The following CLN6 variants were observed in gnomAD, a reference collection of about 807,000 sequenced individuals.
CLN6 encodes the protein CLN6 transmembrane ER protein, also known as ceroid-lipofuscinosis neuronal protein 6.
A neutral mutation model predicts 33.3 loss-of-function variants in CLN6; 22 were observed. The observed-to-expected ratio is 0.66, with a 90% CI of 0.47 to 0.94. CLN6 has a LOEUF of 0.94. Ranked by LOEUF, CLN6 falls within the 40% of genes least tolerant of loss-of-function variation. The pLI, the probability that CLN6 is intolerant of heterozygous loss-of-function variation, is 0.00. For synonymous variants in CLN6, 201 were observed against 174.6 expected (o/e 1.15, Z -1.19); for missense variants, 387 against 417.1 (o/e 0.93, Z 0.63).
Position 68,211,675 on chromosome 15 carries a change from C to G in CLN6, c.486G>C (p.Leu162=). 1 of 1,613,430 alleles carries G rather than the reference C, an allele frequency of 6.2e-7. No individual in the cohort carries two copies. Among genetic ancestry groups the G allele is most frequent in the Non-Finnish European group, 8.5e-7 (1 of 1,179,980 alleles). Residue 162 remains leucine (L), a splice_region_variant and synonymous_variant, in exon 4 of 7, where the codon CTG becomes CTC. Coordinates refer to ENST00000249806, the MANE Select transcript of CLN6 (RefSeq NM_017882.3). The surrounding 1 kb of genome is among the most constrained non-coding windows in gnomAD (Gnocchi z 5.9). ...PIIKNLKPET[L]IDSFELLYYY... is the part of the protein sequence containing the mutation. ...GGCAGGGAGCAGGAGGTGGCCTCAC[C>G]AGCGTCTCCGGCTTGAGATTCTTGA...
chr15:68,223,573 G>T (rs1437589436), intron 1 of CLN6, among the ~76,000 whole-genome samples: 1 of 152,150 alleles, frequency 6.6e-6, no homozygotes, highest in African/African-American at 2.4e-5. Context: ...AGGATGTTCG[G>T]TACGAGGAAT....
intron 1 of CLN6, among the ~76,000 whole-genome samples, chr15:68,223,744 G>GAAAA (rs570594236): frequency 7.1e-6 from 1 of 140,792 alleles, no homozygotes. Context: ...AGTAGGACAG[G>GAAAA]AAAAAAAAAA....
chr15:68,237,388 G>A (rs1209651739), intron 1 of CLN6, among the ~76,000 whole-genome samples: 3 of 152,030 alleles, frequency 2.0e-5, no homozygotes, highest in Admixed American at 6.6e-5. Flanking sequence ...TGAGGAAGCT[G>A]AAGCTGGAGG....
intron 1 of CLN6, among the ~76,000 whole-genome samples, chr15:68,221,469 T>C (rs970263280): frequency 3.3e-5 from 5 of 151,840 alleles, no homozygotes; most frequent in Non-Finnish European, 4.4e-5. Context: ...TGACCTCGAG[T>C]GATCTGCCCG....
At chr15:68,251,959 G>A (rs1308813388) in intron 1 of CLN6, among the ~76,000 whole-genome samples, 2 of 145,234 alleles carry the variant, frequency 1.4e-5, no homozygotes, top group African/African-American at 2.5e-5. Flanking sequence ...GTGTGTGTAT[G>A]TGTGAATCTT....
At chr15:68,231,100 T>A (rs1285905065), upstream of CLN6, among the ~76,000 whole-genome samples, 1 of 152,204 alleles carries the variant, frequency 6.6e-6, no homozygotes, top group Non-Finnish European at 1.5e-5. Context: ...TTCTTTCCTG[T>A]CTTTCTTCTT....
intron 1 of CLN6, among the ~76,000 whole-genome samples, chr15:68,243,286 T>C (rs1401359000): frequency 6.6e-6 from 1 of 152,348 alleles, no homozygotes; most frequent in South Asian, 2.1e-4. Flanking sequence ...GTTAAAACAC[T>C]GAAATCATAC....
Position 68,220,327 on chromosome 15 carries a change from G to A in CLN6, c.84-1677C>T, listed in dbSNP as rs1340138361. Among the ~76,000 whole-genome samples, 1 of 152,238 alleles carries A rather than the reference G, an allele frequency of 6.6e-6. No homozygotes were observed. Among genetic ancestry groups the A allele is most frequent in the Non-Finnish European group, 1.5e-5 (1 of 68,040 alleles). Reference sequence around the variant, plus strand: ...TTACAGATGAGGATACTGAGGCTTAGAGGGATTAGGTGCTTAGCCAAAGCC... The same window carrying A: ...TTACAGATGAGGATACTGAGGCTTAAAGGGATTAGGTGCTTAGCCAAAGCC... On this transcript the variant is annotated intron_variant, in intron 1 of 6. Transcript: ENST00000249806. This position sits in a 1 kb window ranked among gnomAD's most constrained non-coding sequence, Gnocchi z 4.2.
rs1005419385 is a variant in CLN6, at chr15:68,210,761, A to AG, written c.542+501dup. Among the ~76,000 whole-genome samples, 2 of 152,100 alleles carry AG rather than the reference A, an allele frequency of 1.3e-5. No individual in the cohort carries two copies. The highest frequency in any genetic ancestry group is 4.8e-5 in the African/African-American group (2 of 41,440). The stretch of plus-strand genomic sequence containing the variant: ...AGGTGCCCCTCTGGGAGTTCTGAAG[A>AG]GGGGGGAGCGCAAACAGCACGCCCC... On this transcript the variant is annotated intron_variant, in intron 5 of 6. Coordinates refer to ENST00000249806, the MANE Select transcript of CLN6 (RefSeq NM_017882.3). This position sits in a 1 kb window ranked among gnomAD's most constrained non-coding sequence, Gnocchi z 5.6.
intron 1 of CLN6, among the ~76,000 whole-genome samples, chr15:68,240,050 G>A (rs1025426842): frequency 7.9e-5 from 12 of 152,084 alleles, no homozygotes; most frequent in African/African-American, 2.7e-4. Context: ...ATAAAAAGTT[G>A]AACAGAATCA....
intron 2 of CLN6, chr15:68,214,880 G>A (rs953296809): frequency 2.7e-4 from 60 of 220,782 alleles, no homozygotes; most frequent in African/African-American, 1.2e-3. Flanking sequence ...TCAGTCTCCT[G>A]AGTGCTAGGC....
Position 68,227,438 on chromosome 15 carries a change from CAG to C in CLN6, c.83+2062_83+2063del, listed in dbSNP as rs1215370166. ...GGTAGTGAGCAAAGCACGGATGCAG[CAG>C]AGGAAATCCAAGCATCCTAGGAACT... On this transcript the variant is annotated intron_variant, in intron 1 of 6. Transcript: ENST00000249806. The surrounding 1 kb of genome is among the most constrained non-coding windows in gnomAD (Gnocchi z 4.1). Among the ~76,000 whole-genome samples the C allele has an allele frequency of 1.3e-5, 2 of 152,246 alleles. No individual in the cohort carries two copies. Among genetic ancestry groups the C allele is most frequent in the Non-Finnish European group, 2.9e-5 (2 of 68,054 alleles).
At chr15:68,243,773 CAAAA>C (rs1023549607) in intron 1 of CLN6, among the ~76,000 whole-genome samples, 1 of 137,620 alleles carries the variant, frequency 7.3e-6, no homozygotes, top group Non-Finnish European at 1.6e-5. Context: ...AAAAAAAACA[CAAAA>C]AAAAGGATGG....
chr15:68,208,290 GAGGAAGAGGCCGTTGCTGTCC>G lies in CLN6; in HGVS notation c.765_785del (p.Asp256_Leu262del). The G allele has an allele frequency of 6.2e-7, 1 of 1,614,196 alleles. No individual in the cohort carries two copies. Among genetic ancestry groups the G allele is most frequent in the Non-Finnish European group, 8.5e-7 (1 of 1,180,052 alleles). On this transcript the variant is annotated inframe_deletion, in exon 7 of 7. Transcript: ENST00000249806. The surrounding 1 kb of genome is among the most constrained non-coding windows in gnomAD (Gnocchi z 5.8). ...AGAGGGTCAGTGCGAAGGAGGAGAA[GAGGAAGAGGCCGTTGCTGTCC>G]AGGAAGAGGCGCTTGCGCTTCTGGT...
At chr15:68,238,581 GT>G (rs1892250250) in intron 1 of CLN6, among the ~76,000 whole-genome samples, 1 of 152,146 alleles carries the variant, frequency 6.6e-6, no homozygotes, top group Non-Finnish European at 1.5e-5. Flanking sequence ...TCTTCAAAGT[GT>G]TAAGAGAAAG....
At chr15:68,254,555 A>G in intron 1 of CLN6, 1 of 492,392 alleles carries the variant, frequency 2.0e-6, no homozygotes, top group Non-Finnish European at 3.7e-6. Context: ...CAGTGTGAAA[A>G]AGAGGTGAGA....
intron 1 of CLN6, among the ~76,000 whole-genome samples, chr15:68,249,992 C>T (rs539188998): frequency 5.9e-5 from 9 of 152,144 alleles, no homozygotes; most frequent in African/African-American, 1.9e-4. Context: ...AGGCCGATCT[C>T]GAACTCCTGA....
chr15:68,250,973 A>T (rs1294304181), intron 1 of CLN6, among the ~76,000 whole-genome samples: 1 of 152,194 alleles, frequency 6.6e-6, no homozygotes, highest in Non-Finnish European at 1.5e-5. Context: ...CTAATCAAGG[A>T]CTGTATGAGA....
At position 68,219,293 on chromosome 15, in the gene CLN6, C is replaced by T. The variant is rs1246551378; in HGVS notation, c.84-643G>A. Among the ~76,000 whole-genome samples the T allele has an allele frequency of 6.6e-6, 1 of 152,114 alleles. No individual in the cohort carries two copies. Among genetic ancestry groups the T allele is most frequent in the East Asian group, 1.9e-4 (1 of 5,190 alleles). ...CCAGAGCTTGGCCAATCAGAGCCCTCCAATGAAATGTGCTTTAGAGAGACT... is the reference window on the plus strand; with the variant it reads ...CCAGAGCTTGGCCAATCAGAGCCCTTCAATGAAATGTGCTTTAGAGAGACT... On this transcript the variant is annotated intron_variant, in intron 1 of 6. Transcript: ENST00000249806. The surrounding 1 kb of genome is among the most constrained non-coding windows in gnomAD (Gnocchi z 4.2).
Sources: allele counts gnomAD v4.1 joint callset (sites outside exome capture counted in the v4.1 genomes callset), GRCh38; gene constraint gnomAD v4.1.1; non-coding constraint Gnocchi (gnomAD v3.1); transcripts MANE v1.5; gene names NCBI Gene and HGNC (gene_info 2026-07-23, HGNC 2026-07-21).